SH3PXD2A: variants seen among roughly 807,000 people sequenced by gnomAD.
SH3PXD2A encodes SH3 and PX domain-containing protein 2A.
In SH3PXD2A, 32 loss-of-function variants were observed where a neutral mutation model predicts 115.2. The observed-to-expected ratio is 0.28, with a 90% CI of 0.21 to 0.37. The LOEUF is 0.37. Ranked by LOEUF, SH3PXD2A falls within the 10% of genes least tolerant of loss-of-function variation. SH3PXD2A has a pLI of 1.00. For missense variants in SH3PXD2A, 1,328 were observed against 1,498.7 expected (o/e 0.89, Z 1.88); for synonymous variants, 610 against 629.1 (o/e 0.97, Z 0.45).
chr10:103,847,299 G>T (rs1157384866), intron 1 of SH3PXD2A, among the ~76,000 whole-genome samples: 1 of 151,726 alleles, frequency 6.6e-6, no homozygotes, highest in Non-Finnish European at 1.5e-5. Context: ...TGTTCATCAC[G>T]ATGCCTAGCT....
intron 3 of SH3PXD2A, chr10:103,736,995 C>T (rs575506360): frequency 1.3e-5 from 2 of 153,096 alleles, no homozygotes; most frequent in East Asian, 3.9e-4. Context: ...AGCCCTGAGA[C>T]TGCTTTTTCC....
At chr10:103,772,020 G>C (rs1043250792) in intron 2 of SH3PXD2A, among the ~76,000 whole-genome samples, 7 of 152,164 alleles carry the variant, frequency 4.6e-5, no homozygotes, top group Admixed American at 4.6e-4. Context: ...CGGAAGCACA[G>C]CTAACCAGCT....
At chr10:103,677,882 C>G (rs562375593) in intron 6 of SH3PXD2A, among the ~76,000 whole-genome samples, 1 of 152,278 alleles carries the variant, frequency 6.6e-6, no homozygotes, top group South Asian at 2.1e-4. Flanking sequence ...CCCCACTGCC[C>G]CAGGACCCTC....
At chr10:103,818,677 G>C (rs1330540469) in intron 1 of SH3PXD2A, among the ~76,000 whole-genome samples, 1 of 152,134 alleles carries the variant, frequency 6.6e-6, no homozygotes, top group Non-Finnish European at 1.5e-5. Flanking sequence ...CACTAACCCT[G>C]TTCTGACACT....
intron 6 of SH3PXD2A, among the ~76,000 whole-genome samples, chr10:103,682,543 G>C (rs2037624138): frequency 6.6e-6 from 1 of 152,186 alleles, no homozygotes; most frequent in South Asian, 2.1e-4. Context: ...GGATCACAAG[G>C]TCAGGAGTTC....
rs2036182229 is a variant in SH3PXD2A at position 103,599,276 on chromosome 10, G to GC, written c.*2539_*2540insG. Reference sequence around the variant, plus strand: ...TCAAGGAGAGGGGGTCCTTGGGGGGGGCTGGGAGAATGTGGGGGGCAGTGC... The same window carrying GC: ...TCAAGGAGAGGGGGTCCTTGGGGGGGCGCTGGGAGAATGTGGGGGGCAGTGC... On this transcript the variant is annotated 3_prime_UTR_variant, in exon 15 of 15. Coordinates refer to ENST00000369774, the MANE Select transcript of SH3PXD2A (RefSeq NM_001394015.1). 7.4e-6 allele frequency: 1 copy of GC among 135,340 alleles called. No homozygotes were observed. The highest frequency in any genetic ancestry group is 2.7e-5 in the African/African-American group (1 of 37,200). The allele number at this position is 135,340 out of a possible 1,614,324, so 8.4% of individuals were successfully genotyped here. A position where few individuals can be genotyped will look rare whatever the true frequency, so the allele number is the denominator to read the frequency against.
At chr10:103,848,503 T>C (rs895194227) in intron 1 of SH3PXD2A, among the ~76,000 whole-genome samples, 4 of 152,156 alleles carry the variant, frequency 2.6e-5, no homozygotes, top group Non-Finnish European at 5.9e-5. Flanking sequence ...CCAAGGTGTC[T>C]ACAGAATAAA....
At chr10:103,792,479 C>T (rs1229723338) in intron 2 of SH3PXD2A, among the ~76,000 whole-genome samples, 1 of 152,162 alleles carries the variant, frequency 6.6e-6, no homozygotes, top group Non-Finnish European at 1.5e-5. Flanking sequence ...TTTCAGCTTA[C>T]CTGTCTGGCG....
intron 14 of SH3PXD2A, 100 bp from the exon 15 acceptor site, chr10:103,603,889 C>T (rs1312540247): frequency 7.7e-7 from 1 of 1,303,770 alleles, no homozygotes; most frequent in Non-Finnish European, 1.0e-6. Flanking sequence ...GATAAATTAT[C>T]TCCATTTTAC....
chr10:103,756,177 CGA>C lies in SH3PXD2A; in HGVS notation c.229+10915_229+10916del, dbSNP rs2038638731. 1.1e-4 allele frequency among the ~76,000 whole-genome samples: 16 copies of C among 152,268 alleles called. No individual in the cohort carries two copies. The South Asian group carries it at 3.1e-3, about 30-fold the overall frequency. ...GAGGAGGTATTTTCAGCGCCCAGAA[CGA>C]TGGATCTGCTGGGTGCCAGGCAGCC... On this transcript the variant is annotated intron_variant, in intron 3 of 14. Transcript: ENST00000369774. The surrounding 1 kb of genome is among the most constrained non-coding windows in gnomAD (Gnocchi z 4.4).
intron 6 of SH3PXD2A, among the ~76,000 whole-genome samples, chr10:103,688,020 C>A (rs1357599753): frequency 6.6e-6 from 1 of 152,188 alleles, no homozygotes; most frequent in Non-Finnish European, 1.5e-5. Flanking sequence ...AGCTCATCAC[C>A]CACAGCAGAC....
At chr10:103,611,716 C>T in intron 12 of SH3PXD2A, 86 bp from the exon 13 acceptor site, 1 of 1,017,092 alleles carries the variant, frequency 9.8e-7, no homozygotes. Context: ...GAAACTAACT[C>T]CTGATCCTTC....
chr10:103,790,044 C>A (rs563738563), intron 2 of SH3PXD2A, among the ~76,000 whole-genome samples: 6 of 152,298 alleles, frequency 3.9e-5, no homozygotes, highest in Admixed American at 1.3e-4. Flanking sequence ...CTCTTTGCAA[C>A]GGCAGCTTCT....
At chr10:103,617,679 C>T (rs1189278248) in intron 10 of SH3PXD2A, among the ~76,000 whole-genome samples, 3 of 152,216 alleles carry the variant, frequency 2.0e-5, no homozygotes, top group African/African-American at 7.2e-5. Context: ...TTAGGAGAAG[C>T]CGGCCCCTCA....
At chr10:103,831,343 T>C (rs908563148) in intron 1 of SH3PXD2A, among the ~76,000 whole-genome samples, 4 of 152,210 alleles carry the variant, frequency 2.6e-5, no homozygotes, top group African/African-American at 9.7e-5. Flanking sequence ...GTGGTAGCCA[T>C]TAGGGCTGTT....
intron 8 of SH3PXD2A, among the ~76,000 whole-genome samples, chr10:103,630,095 G>C (rs1266816370): frequency 1.3e-5 from 2 of 152,242 alleles, no homozygotes; most frequent in African/African-American, 4.8e-5. Flanking sequence ...ACCCAGCATG[G>C]AGCACTGAGA....
In SH3PXD2A at chr10:103,661,110, G is replaced by C; in HGVS notation, c.477C>G (p.Ala159=). The change falls in exon 8 of 15, where the codon GCC becomes GCG. Residue 159 remains alanine (A), a synonymous_variant. Transcript: ENST00000369774. ...AESPKKDVTG[A]DATAEPMILE... is the part of the protein sequence containing the mutation. ...GGATCATGGGCTCGGCGGTGGCGTC[G>C]GCACCTGGCGAGGGCAGAAAGCACG... 6.2e-7 allele frequency: 1 copy of C among 1,612,876 alleles called. No homozygotes were observed. Among genetic ancestry groups the C allele is most frequent in the Non-Finnish European group, 8.5e-7 (1 of 1,179,412 alleles).
intron 1 of SH3PXD2A, among the ~76,000 whole-genome samples, chr10:103,810,619 C>T (rs553484845): frequency 2.4e-4 from 36 of 152,202 alleles, no homozygotes; most frequent in South Asian, 1.2e-3. Context: ...TGGTTTCTAA[C>T]GGGAGTGTCT....
chr10:103,692,439 T>G (rs1392732321), intron 6 of SH3PXD2A, among the ~76,000 whole-genome samples: 1 of 152,080 alleles, frequency 6.6e-6, no homozygotes, highest in Non-Finnish European at 1.5e-5. Context: ...GCGTCTCAGC[T>G]GCCAAAACGC....
Sources: gnomAD v4.1 joint callset for allele counts (sites outside exome capture counted in the v4.1 genomes callset) on GRCh38, gnomAD v4.1.1 for gene constraint, Gnocchi (gnomAD v3.1) non-coding constraint, MANE v1.5 for transcripts, NCBI Gene and HGNC (gene_info 2026-07-23, HGNC 2026-07-21) for gene names.